The following RFTN1 variants were observed in gnomAD, a reference collection of about 807,000 sequenced individuals.
RFTN1 encodes raftlin, lipid raft linker 1, also known as raftlin.
In RFTN1, 26 loss-of-function variants were observed where a neutral mutation model predicts 46.5. That is an observed-to-expected ratio of 0.56 (90% CI 0.41 to 0.78). The LOEUF (loss-of-function observed/expected upper bound fraction) is 0.78. Ranked by LOEUF, RFTN1 falls within the 30% of genes least tolerant of loss-of-function variation. The probability of loss-of-function intolerance (pLI) is 0.00; values close to 1 mark genes in which losing one functional copy is unlikely to be tolerated. For synonymous variants in RFTN1, 261 were observed against 284.2 expected (o/e 0.92, Z 0.82); for missense variants, 693 against 718.7 (o/e 0.96, Z 0.41).
intron 7 of RFTN1, among the ~76,000 whole-genome samples, chr3:16,340,339 G>GTT (rs1459980486): frequency 6.6e-6 from 1 of 152,246 alleles, no homozygotes; most frequent in Non-Finnish European, 1.5e-5. Context: ...GCCATCCTGT[G>GTT]AAGAGGTTCA....
intron 9 of RFTN1, among the ~76,000 whole-genome samples, chr3:16,319,945 C>T (rs749225639): frequency 2.6e-5 from 4 of 151,928 alleles, no homozygotes; most frequent in Non-Finnish European, 4.4e-5. Flanking sequence ...CAGCAAGCCG[C>T]AGATAAAACA....
intron 2 of RFTN1, among the ~76,000 whole-genome samples, chr3:16,488,808 T>C (rs1337445541): frequency 6.6e-6 from 1 of 152,202 alleles, no homozygotes. Context: ...CAAAAAGAAA[T>C]GAGTGTATCC....
At position 16,341,165 on chromosome 3, in the gene RFTN1, G is replaced by A. The variant is rs565060657; in HGVS notation, c.1147-14289C>T. 6.6e-6 allele frequency among the ~76,000 whole-genome samples: 1 copy of A among 152,326 alleles called. No homozygotes were observed. The highest frequency in any genetic ancestry group is 2.4e-5 in the African/African-American group (1 of 41,560). On this transcript the variant is annotated intron_variant, in intron 7 of 9. Transcript: ENST00000334133. This position sits in a 1 kb window ranked among gnomAD's most constrained non-coding sequence, Gnocchi z 4.7. Reference sequence around the variant, plus strand: ...AAAACACTGACAATACTTAATGCCGGTGAGGATGTGGAACAACAGCAACTC... The same window carrying A: ...AAAACACTGACAATACTTAATGCCGATGAGGATGTGGAACAACAGCAACTC...
intron 5 of RFTN1, among the ~76,000 whole-genome samples, chr3:16,372,014 G>A (rs1263873042): frequency 7.9e-5 from 12 of 152,308 alleles, no homozygotes; most frequent in East Asian, 1.9e-4. Flanking sequence ...AGTCCTGGGT[G>A]TCAGGGGTTC....
rs1211748151 is a variant in RFTN1 at position 16,385,478 on chromosome 3, A to G, written c.442-7376T>C. Among the ~76,000 whole-genome samples the G allele has an allele frequency of 1.3e-5, 2 of 152,166 alleles. No individual in the cohort carries two copies. The highest frequency in any genetic ancestry group is 1.3e-4 in the Admixed American group (2 of 15,280). ...GGTCTTAGAATCTGCCCTTGGACAA[A>G]GAGTTTGAAGGCTTAAAGCTTTGGA... On this transcript the variant is annotated intron_variant, in intron 4 of 9. Transcript: ENST00000334133. This position sits in a 1 kb window ranked among gnomAD's most constrained non-coding sequence, Gnocchi z 5.0.
rs66657696 is a variant in RFTN1 at position 16,410,212 on chromosome 3, TACACACACACACACACACACACACACAC to T, written c.333-757_333-730del. On this transcript the variant is annotated intron_variant, in intron 3 of 9. Transcript: ENST00000334133. This position sits in a 1 kb window ranked among gnomAD's most constrained non-coding sequence, Gnocchi z 4.6. Reference sequence around the variant, plus strand: ...TTGGTACAATACAGCTTACATGTTATACACACACACACACACACACACACACACACACACACACACACACACAAACTCT... The same window carrying T: ...TTGGTACAATACAGCTTACATGTTATACACACACACACACACACAAACTCT... Among the ~76,000 whole-genome samples the T allele has an allele frequency of 1.4e-5, 2 of 141,204 alleles. No individual in the cohort carries two copies. The highest frequency in any genetic ancestry group is 7.0e-5 in the Admixed American group (1 of 14,272). The allele number at this position is 141,204 out of a possible 152,430, so 92.6% of individuals were successfully genotyped here. A position where few individuals can be genotyped will look rare whatever the true frequency, so the allele number is the denominator to read the frequency against.
intron 4 of RFTN1, among the ~76,000 whole-genome samples, chr3:16,379,460 ATG>A (rs2073905686): frequency 2.0e-5 from 3 of 152,236 alleles, no homozygotes; most frequent in Non-Finnish European, 4.4e-5. Flanking sequence ...TCCTTCAATG[ATG>A]CTGCATGGTA....
chr3:16,322,638 T>TG lies in RFTN1; in HGVS notation c.1332+737dup, dbSNP rs2069198360. On this transcript the variant is annotated intron_variant, in intron 9 of 9. Transcript: ENST00000334133. The surrounding 1 kb of genome is among the most constrained non-coding windows in gnomAD (Gnocchi z 6.2). ...GAAAAGCACCACAGGCTGCTCAGGG[T>TG]GGGGTGGGAAGCATCAGAATCATCT... Among the ~76,000 whole-genome samples the TG allele has an allele frequency of 6.6e-6, 1 of 151,812 alleles. No homozygotes were observed. The highest frequency in any genetic ancestry group is 2.1e-4 in the South Asian group (1 of 4,804).
At chr3:16,455,076 A>G (rs994910189) in intron 2 of RFTN1, among the ~76,000 whole-genome samples, 7 of 151,868 alleles carry the variant, frequency 4.6e-5, no homozygotes, top group Non-Finnish European at 1.0e-4. Flanking sequence ...GCGGCCAGCA[A>G]CCCTCCCACT....
chr3:16,453,712 GA>G (rs1357673373), intron 2 of RFTN1, among the ~76,000 whole-genome samples: 30 of 152,250 alleles, frequency 2.0e-4, no homozygotes, highest in African/African-American at 6.7e-4. Flanking sequence ...TACAATGGAA[GA>G]ACCAGAAAAA....
intron 2 of RFTN1, among the ~76,000 whole-genome samples, chr3:16,441,299 T>TA (rs59877269): frequency 0.088 from 4,166 of 47,518 alleles, 105 homozygotes; most frequent in Middle Eastern, 0.13. Context: ...TTCCAAGAAC[T>TA]AAAAAAAAAA....
intron 7 of RFTN1, among the ~76,000 whole-genome samples, chr3:16,333,037 C>A (rs927660419): frequency 4.3e-4 from 65 of 152,284 alleles, no homozygotes; most frequent in African/African-American, 1.5e-3. Context: ...AGTGTTGATT[C>A]ATGAACATTG....
rs564577130 is a variant in RFTN1 at position 16,428,139 on chromosome 3, G to C, written c.332+5712C>G. Among the ~76,000 whole-genome samples, 139 of 152,244 alleles carry C rather than the reference G, an allele frequency of 9.1e-4. No homozygotes were observed. The Middle Eastern group carries it at 0.024, about 26-fold the overall frequency. ...ACCTTAGAAAAATCCAAACAAAAGG[G>C]ATAAATGTTTACCACTTAAAACAGT... On this transcript the variant is annotated intron_variant, in intron 3 of 9. Transcript: ENST00000334133. The surrounding 1 kb of genome is among the most constrained non-coding windows in gnomAD (Gnocchi z 4.7).
At chr3:16,386,371 A>C (rs1317587646) in intron 4 of RFTN1, among the ~76,000 whole-genome samples, 2 of 152,242 alleles carry the variant, frequency 1.3e-5, no homozygotes, top group Admixed American at 1.3e-4. Context: ...TACGTGGATT[A>C]ACTCATTTAA....
chr3:16,431,337 C>T (rs753670438), intron 3 of RFTN1, among the ~76,000 whole-genome samples: 1 of 152,120 alleles, frequency 6.6e-6, no homozygotes, highest in Non-Finnish European at 1.5e-5. Context: ...ACTCAAAGTG[C>T]GTGCCACGGA....
intron 3 of RFTN1, among the ~76,000 whole-genome samples, chr3:16,423,284 G>A (rs190864934): frequency 1.1e-4 from 16 of 152,218 alleles, no homozygotes; most frequent in Admixed American, 8.5e-4. Context: ...TGTCACAACT[G>A]CAGGGATGGG....
Position 16,507,034 on chromosome 3 carries a change from T to C in RFTN1, c.-9+6408A>G, listed in dbSNP as rs1325530379. Among the ~76,000 whole-genome samples, 3 of 152,184 alleles carry C rather than the reference T, an allele frequency of 2.0e-5. No individual in the cohort carries two copies. Among genetic ancestry groups the C allele is most frequent in the Non-Finnish European group, 4.4e-5 (3 of 68,028 alleles). ...TGACTAGGTTCAAATCCTGCTGCCC[T>C]TATTTCCTACCTGTGTGACCTCAAG... On this transcript the variant is annotated intron_variant, in intron 1 of 9. Coordinates refer to ENST00000334133, the MANE Select transcript of RFTN1 (RefSeq NM_015150.2). This position sits in a 1 kb window ranked among gnomAD's most constrained non-coding sequence, Gnocchi z 7.1.
At chr3:16,375,747 G>A (rs771341772) in intron 5 of RFTN1, among the ~76,000 whole-genome samples, 13 of 152,158 alleles carry the variant, frequency 8.5e-5, no homozygotes, top group Non-Finnish European at 1.8e-4. Context: ...TGGCCTACCC[G>A]TGCAGAGCTG....
chr3:16,366,488 G>A (rs2073181072), intron 6 of RFTN1, among the ~76,000 whole-genome samples: 1 of 152,148 alleles, frequency 6.6e-6, no homozygotes, highest in Non-Finnish European at 1.5e-5. Context: ...CCTCCCTAGA[G>A]TGACCTTGGA....
Sources: allele counts gnomAD v4.1 joint callset (sites outside exome capture counted in the v4.1 genomes callset), GRCh38; gene constraint gnomAD v4.1.1; non-coding constraint Gnocchi (gnomAD v3.1); transcripts MANE v1.5; gene names NCBI Gene and HGNC (gene_info 2026-07-23, HGNC 2026-07-21).